Variants in SAMSN1 observed in about 807,000 individuals in gnomAD.
SAMSN1 encodes the protein SAM domain-containing protein SAMSN-1.
A neutral mutation model predicts 42.0 loss-of-function variants in SAMSN1; 31 were observed. That is an observed-to-expected ratio of 0.74 (90% CI 0.55 to 1.00). The LOEUF is 1.00. Ranked by LOEUF, SAMSN1 falls within the 50% of genes least tolerant of loss-of-function variation. The pLI, the probability that SAMSN1 is intolerant of heterozygous loss-of-function variation, is 0.00. For missense variants in SAMSN1, 464 were observed against 439.4 expected, an observed-to-expected ratio of 1.06 and a Z score of -0.50; for synonymous variants, 178 against 151.9, an observed-to-expected ratio of 1.17 and a Z score of -1.26.
chr21:14,534,531 T>TG (rs1454908408), intron 1 of SAMSN1, among the ~76,000 whole-genome samples: 1 of 151,348 alleles, frequency 6.6e-6, no homozygotes, highest in Admixed American at 6.6e-5. Flanking sequence ...TTTCTTTTTT[T>TG]TTTTGAGACG....
chr21:14,581,998 T>C (rs1168609203), intron 2 of SAMSN1: 1 of 762,350 alleles, frequency 1.3e-6, no homozygotes, highest in African/African-American at 1.7e-5. Context: ...TTGGTTGCTT[T>C]TTGGAAAGAC....
chr21:14,606,258 AT>A (rs1377237783), intron 5 of SAMSN1, among the ~76,000 whole-genome samples: 2 of 152,094 alleles, frequency 1.3e-5, no homozygotes, highest in African/African-American at 4.8e-5. Context: ...AACATATGCC[AT>A]TTTTCCCCAG....
intron 4 of SAMSN1, among the ~76,000 whole-genome samples, chr21:14,511,657 C>T (rs1028504724): frequency 1.3e-5 from 2 of 152,056 alleles, no homozygotes; most frequent in African/African-American, 2.4e-5. Context: ...TTTAAAAACC[C>T]TGAAAAGATT....
rs560859830 is a variant in SAMSN1 at position 14,502,178 on chromosome 21, T to C, written c.562-1443A>G. 2.6e-5 allele frequency among the ~76,000 whole-genome samples: 4 copies of C among 152,346 alleles called. No homozygotes were observed. In the South Asian group the frequency reaches 8.3e-4, roughly 32 times the overall value. ...CCATCTAAAAAACAAATTTTACTTG[T>C]AATGGTATAATTCACCATGACTGAA... On this transcript the variant is annotated intron_variant, in intron 5 of 7. Coordinates refer to ENST00000400566, the MANE Select transcript of SAMSN1 (RefSeq NM_022136.5).
chr21:14,581,062 C>T (rs1981696624), intron 2 of SAMSN1, among the ~76,000 whole-genome samples: 1 of 152,040 alleles, frequency 6.6e-6, no homozygotes, highest in Non-Finnish European at 1.5e-5. Flanking sequence ...GTTTAAATAA[C>T]TTATCCAAGC....
chr21:14,541,053 T>C (rs1385346478), intron 1 of SAMSN1, among the ~76,000 whole-genome samples: 1 of 150,504 alleles, frequency 6.6e-6, no homozygotes, highest in Non-Finnish European at 1.5e-5. Flanking sequence ...ACACCGCATG[T>C]TCTCACTCAT....
chr21:14,644,112 C>T (rs1568841834), intron 1 of SAMSN1, among the ~76,000 whole-genome samples: 1 of 152,108 alleles, frequency 6.6e-6, no homozygotes, highest in Non-Finnish European at 1.5e-5. Context: ...ACTGCAACTC[C>T]TATGTGTGTC....
At chr21:14,552,080 C>G (rs1187039198) in intron 2 of SAMSN1, among the ~76,000 whole-genome samples, 1 of 152,000 alleles carries the variant, frequency 6.6e-6, no homozygotes, top group Non-Finnish European at 1.5e-5. Context: ...AATTTGAAAC[C>G]AGTAAATCTG....
chr21:14,523,196 C>A (rs1188554976), intron 1 of SAMSN1: 1 of 152,134 alleles, frequency 6.6e-6, no homozygotes, highest in Non-Finnish European at 1.5e-5. Context: ...CCTAGAAGCT[C>A]TTATGTCTCC....
intron 7 of SAMSN1, among the ~76,000 whole-genome samples, chr21:14,487,524 G>C (rs1986490490): frequency 6.6e-6 from 1 of 152,012 alleles, no homozygotes; most frequent in Admixed American, 6.6e-5. Context: ...TTATAGAATG[G>C]TACTAGTTAA....
At chr21:14,577,236 G>A (rs8130116) in intron 2 of SAMSN1, among the ~76,000 whole-genome samples, 4,272 of 30,610 alleles carry the variant, frequency 0.14, 563 homozygotes, top group African/African-American at 0.41. Context: ...ATATATATGT[G>A]TGTATATATA....
At chr21:14,531,995 T>C (rs1292683113) in intron 1 of SAMSN1, among the ~76,000 whole-genome samples, 1 of 152,168 alleles carries the variant, frequency 6.6e-6, no homozygotes, top group Non-Finnish European at 1.5e-5. Context: ...AAGTTTTTTT[T>C]TGAGTCATTT....
chr21:14,564,411 C>T (rs146262565), intron 2 of SAMSN1, among the ~76,000 whole-genome samples: 1 of 152,214 alleles, frequency 6.6e-6, no homozygotes, highest in East Asian at 1.9e-4. Context: ...CTCACTAAAT[C>T]CTCTTAACAA....
rs1385638862 is a variant in SAMSN1 at position 14,510,327 on chromosome 21, C to A, written c.544G>T (p.Asp182Tyr). 1 of 1,614,082 alleles carries A rather than the reference C, an allele frequency of 6.2e-7. No homozygotes were observed. The highest frequency in any genetic ancestry group is 1.1e-5 in the South Asian group (1 of 91,064). ...CCTCTCACCTTGATTTTGAGGGAGT[C>A]AGTGTCATAGGGACTTGGCGTGAAA... ...TDFTPSPYDT[D>Y]SLKIKKGDII... The change falls in exon 5 of 8, where the codon GAC becomes TAC. Residue 182 changes from aspartate to tyrosine, a missense_variant. Asp to Tyr is a radical substitution (Grantham distance 160, BLOSUM62 -3). Transcript: ENST00000400566.
At chr21:14,606,500 A>T (rs1420383891) in intron 5 of SAMSN1, among the ~76,000 whole-genome samples, 2 of 152,116 alleles carry the variant, frequency 1.3e-5, no homozygotes, top group Non-Finnish European at 2.9e-5. Context: ...TGTTCTTCTC[A>T]ATTCTTTTTT....
At chr21:14,590,359 C>T (rs190881900) in intron 7 of SAMSN1, among the ~76,000 whole-genome samples, 7 of 152,096 alleles carry the variant, frequency 4.6e-5, no homozygotes, top group Admixed American at 1.3e-4. Context: ...CTTACTGTAG[C>T]TTTGAACTCC....
chr21:14,587,258 CCTTT>C (rs1489508292), upstream of SAMSN1, among the ~76,000 whole-genome samples: 1 of 152,130 alleles, frequency 6.6e-6, no homozygotes, highest in East Asian at 1.9e-4. Context: ...ATGTATGCTT[CCTTT>C]AATTCTATTA....
intron 2 of SAMSN1, among the ~76,000 whole-genome samples, chr21:14,635,181 G>A (rs563909868): frequency 7.3e-4 from 111 of 152,102 alleles, no homozygotes; most frequent in Non-Finnish European, 1.4e-3. Context: ...GGGACTGTTA[G>A]GGGGCAATGA....
At chr21:14,563,014 A>AG (rs1249738117) in intron 2 of SAMSN1, among the ~76,000 whole-genome samples, 1 of 152,200 alleles carries the variant, frequency 6.6e-6, no homozygotes, top group Admixed American at 6.5e-5. Context: ...TTATAAATGC[A>AG]GAAAAATTGA....
Sources: allele counts gnomAD v4.1 joint callset (sites outside exome capture counted in the v4.1 genomes callset), GRCh38; gene constraint gnomAD v4.1.1; transcripts MANE v1.5; gene names NCBI Gene and HGNC (gene_info 2026-07-23, HGNC 2026-07-21).